SH3TC1: variants seen among roughly 807,000 people sequenced by gnomAD.
SH3TC1 encodes SH3 domain and tetratricopeptide repeat-containing protein 1.
SH3TC1 carries 135 observed loss-of-function variants against 117.3 expected under a neutral mutation model. The ratio of observed to expected loss-of-function variants is 1.15; its 90% CI spans 1.00 to 1.33. The LOEUF is 1.33. SH3TC1 is among the 40% of genes most tolerant of loss of function. The probability of loss-of-function intolerance (pLI) is 0.00; values close to 1 mark genes in which losing one functional copy is unlikely to be tolerated. For synonymous variants in SH3TC1, 898 were observed against 816.9 expected (o/e 1.10, Z -1.69); for missense variants, 2,092 against 1,794.3 (o/e 1.17, Z -3.00).
intron 1 of SH3TC1, among the ~76,000 whole-genome samples, chr4:8,188,864 C>G (rs1040341560): frequency 6.6e-6 from 1 of 152,248 alleles, no homozygotes. Flanking sequence ...ACGAGGCAGC[C>G]ACCTCCTCCC....
chr4:8,212,605 G>A (rs1201635080), intron 3 of SH3TC1, 96 bp from the exon 4 acceptor site: 39 of 1,554,576 alleles, frequency 2.5e-5, no homozygotes, highest in Non-Finnish European at 3.1e-5. Flanking sequence ...TTCGGGGTCA[G>A]GTGTGTGGGT....
upstream of SH3TC1, among the ~76,000 whole-genome samples, chr4:8,197,504 G>T (rs1717594054): frequency 6.6e-6 from 1 of 152,200 alleles, no homozygotes; most frequent in Admixed American, 6.5e-5. Flanking sequence ...GGGAGCTGCG[G>T]CCCCTCTGCC....
At position 8,240,767 on chromosome 4, in the gene SH3TC1, G is replaced by C. The variant is rs1176165602; in HGVS notation, c.3823G>C (p.Ala1275Pro). The C allele has an allele frequency of 6.2e-7, 1 of 1,611,940 alleles. No homozygotes were observed. The highest frequency in any genetic ancestry group is 8.5e-7 in the Non-Finnish European group (1 of 1,179,212). The part of the protein sequence containing the change: ...AAAVDLGNKK[A>P]QLKIYTRLAT... ...CGCCGTGGACCTGGGCAACAAGAAGGCACAGCTGAAGATCTACACGCGGCT... is the reference window on the plus strand; with the variant it reads ...CGCCGTGGACCTGGGCAACAAGAAGCCACAGCTGAAGATCTACACGCGGCT... The change falls in exon 18 of 18, where the codon GCA (alanine) becomes CCA (proline). Residue 1275 changes from alanine to proline, a missense_variant. Coordinates refer to ENST00000245105, the MANE Select transcript of SH3TC1 (RefSeq NM_018986.5).
chr4:8,222,864 T>C lies in SH3TC1; in HGVS notation c.1137T>C (p.Asn379=), dbSNP rs1313805531. 1.2e-6 allele frequency: 2 copies of C among 1,612,698 alleles called. No individual in the cohort carries two copies. Among genetic ancestry groups the C allele is most frequent in the South Asian group, 2.2e-5 (2 of 91,054 alleles). ...VSELESAIFL[N]EEEKSFFSEG... ...GGTTGGAAAGTGCGATTTTTCTCAA[T>C]GAGGAAGAAAAGTCATTCTTCAGCG... The change falls in exon 10 of 18, where the codon AAT becomes AAC. Residue 379 remains asparagine (N), a synonymous_variant. Transcript: ENST00000245105.
intron 1 of SH3TC1, among the ~76,000 whole-genome samples, chr4:8,201,874 G>A (rs897151919): frequency 1.3e-5 from 2 of 152,162 alleles, no homozygotes; most frequent in African/African-American, 2.4e-5. Context: ...CAGGTGTCCC[G>A]GGCATCAGCC....
chr4:8,199,788 C>T (rs920544809), intron 1 of SH3TC1, among the ~76,000 whole-genome samples: 4 of 152,286 alleles, frequency 2.6e-5, no homozygotes, highest in East Asian at 1.9e-4. Context: ...CCCCAGCGCC[C>T]GGTTAGCTTG....
upstream of SH3TC1, among the ~76,000 whole-genome samples, chr4:8,196,135 G>A (rs1047009523): frequency 6.6e-6 from 1 of 152,258 alleles, no homozygotes; most frequent in African/African-American, 2.4e-5. The surrounding 1 kb of genome is among the most constrained non-coding windows in gnomAD (Gnocchi z 4.6). Flanking sequence ...ACTGAGGTGT[G>A]CACCTGTGCT....
At chr4:8,191,958 CATTTATTTATTTATTTATTTATTT>C (rs10705534) in intron 1 of SH3TC1, among the ~76,000 whole-genome samples, 4 of 148,116 alleles carry the variant, frequency 2.7e-5, no homozygotes, top group African/African-American at 5.1e-5. Flanking sequence ...CTCTGAGTTA[CATTTATTTATTTATTTATTTATTT>C]ATTTATTTAT....
At chr4:8,216,915 C>A in intron 6 of SH3TC1, 42 bp from the exon 7 acceptor site, 1 of 1,602,254 alleles carries the variant, frequency 6.2e-7, no homozygotes, top group South Asian at 1.1e-5. Context: ...ACAGCTGCGC[C>A]CAGTCCGGCC....
In SH3TC1 at chr4:8,209,767, C is replaced by T. The variant is rs769049073; in HGVS notation, c.192C>T (p.Arg64=). 7.0e-5 allele frequency: 113 copies of T among 1,613,698 alleles called. No homozygotes were observed. The East Asian group carries it at 1.9e-3, about 27-fold the overall frequency. Residue 64 remains arginine (R), a synonymous_variant, in exon 3 of 18, where the codon CGC becomes CGT. Coordinates refer to ENST00000245105, the MANE Select transcript of SH3TC1 (RefSeq NM_018986.5). The surrounding 1 kb of genome is among the most constrained non-coding windows in gnomAD (Gnocchi z 5.9). Reference sequence around the variant, plus strand: ...TTGCAGACGAGGCTCCTCCTGCCCGCGTGGCTGGGCCTGCTGCTGGGACCC... The same window carrying T: ...TTGCAGACGAGGCTCCTCCTGCCCGTGTGGCTGGGCCTGCTGCTGGGACCC... ...PVRGDEAPPA[R]VAGPAAGTPP... is the part of the protein sequence containing the mutation.
At chr4:8,195,244 G>A (rs572159964), upstream of SH3TC1, among the ~76,000 whole-genome samples, 1 of 152,348 alleles carries the variant, frequency 6.6e-6, no homozygotes, top group South Asian at 2.1e-4. Context: ...GAACTGGAGG[G>A]CACTTAGAAA....
At chr4:8,240,379 C>T (rs928823111) in intron 17 of SH3TC1, among the ~76,000 whole-genome samples, 14 of 152,190 alleles carry the variant, frequency 9.2e-5, no homozygotes, top group Non-Finnish European at 1.8e-4. Context: ...AGCCATGGGT[C>T]CTGCATGGAA....
chr4:8,229,166 C>T (rs11728188), intron 12 of SH3TC1: 34,783 of 152,666 alleles, frequency 0.23, 4,637 homozygotes, highest in Non-Finnish European at 0.3. Flanking sequence ...GAGTGTGCCA[C>T]GTCCCACCCA....
At position 8,209,549 on chromosome 4, in the gene SH3TC1, C is replaced by A; in HGVS notation, c.173-199C>A. ...CCTCTGAGTGTGGGGCAGCTTGTCA[C>A]AGCATGCTGGGAAGTGCAGGCAGCT... On this transcript the variant is annotated intron_variant, in intron 2 of 17. Transcript: ENST00000245105. This position sits in a 1 kb window ranked among gnomAD's most constrained non-coding sequence, Gnocchi z 5.9. 1 of 1,256,594 alleles carries A rather than the reference C, an allele frequency of 8.0e-7. No homozygotes were observed. The highest frequency in any genetic ancestry group is 1.1e-6 in the Non-Finnish European group (1 of 902,216). The allele number at this position is 1,256,594 out of a possible 1,614,324, so 77.8% of individuals were successfully genotyped here.
chr4:8,222,710 C>G, intron 9 of SH3TC1, 130 bp from the exon 10 acceptor site: 1 of 1,172,626 alleles, frequency 8.5e-7, no homozygotes, highest in Non-Finnish European at 1.2e-6. Context: ...AAATCTCTGT[C>G]TCTACCCCTG....
At chr4:8,226,305 A>T (rs1004014891) in intron 11 of SH3TC1, among the ~76,000 whole-genome samples, 2 of 152,160 alleles carry the variant, frequency 1.3e-5, no homozygotes, top group Non-Finnish European at 2.9e-5. Context: ...GGCCTTTGTT[A>T]ACCCTTTAGG....
At position 8,237,571 on chromosome 4, in the gene SH3TC1, C is replaced by T; in HGVS notation, c.3654C>T (p.Ala1218=). ...GELAEHFYLK[A]LSLCNSPLEF... is the part of the protein sequence containing the mutation. ...TGGCAGAGCACTTCTACCTCAAGGC[C>T]CTGTCGCTCTGCAACTCGCCGCTGG... Residue 1218 remains alanine (A), a synonymous_variant, in exon 17 of 18, where the codon GCC becomes GCT. Transcript: ENST00000245105. 2 of 1,612,332 alleles carry T rather than the reference C, an allele frequency of 1.2e-6. No individual in the cohort carries two copies. The highest frequency in any genetic ancestry group is 1.1e-5 in the South Asian group (1 of 90,878).
rs1158477867 is a variant in SH3TC1 at position 8,218,224 on chromosome 4, C to T, written c.840-47C>T. 2.6e-6 allele frequency: 4 copies of T among 1,510,650 alleles called. No individual in the cohort carries two copies. The African/African-American group carries it at 5.5e-5, about 21-fold the overall frequency. 93.6% of individuals were successfully genotyped at this position (1,510,650 alleles called of 1,614,324 possible). Reference sequence around the variant, plus strand: ...CAGTCTCTGCACAGGATGTATCTGCCCCAAATCTGAAATCCCGCAGCAAAG... The same window carrying T: ...CAGTCTCTGCACAGGATGTATCTGCTCCAAATCTGAAATCCCGCAGCAAAG... On this transcript the variant is annotated intron_variant, in intron 7 of 17. Coordinates refer to ENST00000245105, the MANE Select transcript of SH3TC1 (RefSeq NM_018986.5).
chr4:8,215,879 G>T (rs914243546), intron 5 of SH3TC1, among the ~76,000 whole-genome samples: 2 of 152,234 alleles, frequency 1.3e-5, no homozygotes, highest in Non-Finnish European at 2.9e-5. Context: ...ACTTGACCAC[G>T]GTTGCCGCTG....
Sources: allele counts gnomAD v4.1 joint callset (sites outside exome capture counted in the v4.1 genomes callset), GRCh38; gene constraint gnomAD v4.1.1; non-coding constraint Gnocchi (gnomAD v3.1); transcripts MANE v1.5; gene names NCBI Gene and HGNC (gene_info 2026-07-23, HGNC 2026-07-21).